GKAP1: variants seen among roughly 807,000 people sequenced by gnomAD.
GKAP1 encodes G kinase-anchoring protein 1.
A neutral mutation model predicts 56.7 loss-of-function variants in GKAP1; 31 were observed. That is an observed-to-expected ratio of 0.55 (90% confidence interval 0.41 to 0.74). The LOEUF (loss-of-function observed/expected upper bound fraction) is 0.74. Ranked by LOEUF, GKAP1 falls within the 30% of genes least tolerant of loss-of-function variation. The pLI, the probability that GKAP1 is intolerant of heterozygous loss-of-function variation, is 0.00. For synonymous variants in GKAP1, 151 were observed against 138.6 expected (o/e 1.09, Z -0.63); for missense variants, 364 against 402.3 (o/e 0.90, Z 0.82).
At chr9:83,778,561 G>T (rs1021425650) in intron 7 of GKAP1, among the ~76,000 whole-genome samples, 6 of 152,004 alleles carry the variant, frequency 3.9e-5, no homozygotes, top group African/African-American at 1.5e-4. Context: ...AGGGTGGGAG[G>T]AGGGAGAGGA....
chr9:83,785,417 T>C (rs898871870), intron 5 of GKAP1, among the ~76,000 whole-genome samples: 6 of 152,220 alleles, frequency 3.9e-5, no homozygotes, highest in African/African-American at 1.4e-4. Flanking sequence ...AAACTAATTA[T>C]TTCTGTATAG....
chr9:83,812,278 TAC>T (rs1564218567), intron 2 of GKAP1, among the ~76,000 whole-genome samples: 3 of 148,310 alleles, frequency 2.0e-5, no homozygotes. Context: ...CACATATATA[TAC>T]ACATATATAC....
intron 8 of GKAP1, among the ~76,000 whole-genome samples, chr9:83,757,040 A>G (rs1943489213): frequency 1.3e-5 from 2 of 152,248 alleles, no homozygotes; most frequent in Non-Finnish European, 2.9e-5. Context: ...AGGGCTCTGT[A>G]ATCTATTAAA....
chr9:83,804,321 C>A (rs1380585923), intron 3 of GKAP1, among the ~76,000 whole-genome samples: 8 of 142,904 alleles, frequency 5.6e-5, no homozygotes, highest in Non-Finnish European at 1.2e-4. Context: ...CCCCGCCCGG[C>A]CAGCCGCCCC....
intron 8 of GKAP1, among the ~76,000 whole-genome samples, chr9:83,766,977 G>A (rs191383717): frequency 1.6e-4 from 24 of 152,324 alleles, no homozygotes; most frequent in African/African-American, 5.5e-4. Flanking sequence ...GGGGACATTA[G>A]TGAAATTACT....
chr9:83,747,838 T>C (rs1269484781), intron 10 of GKAP1, among the ~76,000 whole-genome samples: 2 of 152,166 alleles, frequency 1.3e-5, no homozygotes, highest in Non-Finnish European at 2.9e-5. Context: ...GGTTTCACCA[T>C]GTTGGCCAGG....
At chr9:83,802,296 T>C (rs113255656) in intron 3 of GKAP1, among the ~76,000 whole-genome samples, 15,447 of 151,828 alleles carry the variant, frequency 0.1, 1,003 homozygotes, top group Non-Finnish European at 0.14. Context: ...CTGGCCAATA[T>C]TGTGAAACCC....
chr9:83,800,447 C>T (rs1457774659), intron 3 of GKAP1, among the ~76,000 whole-genome samples: 1 of 151,620 alleles, frequency 6.6e-6, no homozygotes, highest in Admixed American at 6.6e-5. Context: ...AATTCTCCTG[C>T]CTCAGCCTCT....
At chr9:83,782,827 C>T (rs1318075617) in intron 6 of GKAP1, among the ~76,000 whole-genome samples, 1 of 150,988 alleles carries the variant, frequency 6.6e-6, no homozygotes, top group Non-Finnish European at 1.5e-5. Context: ...CCACCACACG[C>T]CCACCTACTC....
chr9:83,774,664 C>T (rs1943821985), intron 7 of GKAP1, among the ~76,000 whole-genome samples: 1 of 144,672 alleles, frequency 6.9e-6, no homozygotes. Context: ...TGAAAAGCTT[C>T]GGCACAGCAA....
intron 10 of GKAP1, 79 bp from the exon 11 acceptor site, chr9:83,742,679 T>C (rs571656102): frequency 3.8e-6 from 3 of 798,944 alleles, no homozygotes; most frequent in African/African-American, 3.4e-5. Flanking sequence ...AACTAAGACA[T>C]AGCAGTGCAA....
intron 2 of GKAP1, among the ~76,000 whole-genome samples, chr9:83,816,478 G>A (rs1002520257): frequency 6.6e-6 from 1 of 152,188 alleles, no homozygotes; most frequent in South Asian, 2.1e-4. Flanking sequence ...CAACTTCTGG[G>A]TTTTGCTCTT....
chr9:83,757,480 A>C (rs1943496644), intron 8 of GKAP1, among the ~76,000 whole-genome samples: 1 of 152,190 alleles, frequency 6.6e-6, no homozygotes, highest in Non-Finnish European at 1.5e-5. Context: ...TTTTGGTAGC[A>C]ATCTACTAAA....
chr9:83,756,124 A>T (rs542295634), intron 8 of GKAP1, among the ~76,000 whole-genome samples: 70 of 151,688 alleles, frequency 4.6e-4, no homozygotes, highest in South Asian at 1.0e-3. Flanking sequence ...CATTAAAAAA[A>T]TTTTTTTTTC....
chr9:83,772,359 G>A (rs1003988968), intron 7 of GKAP1, among the ~76,000 whole-genome samples: 1 of 152,134 alleles, frequency 6.6e-6, no homozygotes, highest in African/African-American at 2.4e-5. Flanking sequence ...ATATAAGAGT[G>A]TTGTGCTGGG....
intron 8 of GKAP1, among the ~76,000 whole-genome samples, chr9:83,763,358 G>C (rs760321492): frequency 3.3e-5 from 5 of 152,106 alleles, no homozygotes; most frequent in Non-Finnish European, 7.4e-5. Flanking sequence ...GAATGAATAA[G>C]ACCTAGTATT....
At chr9:83,741,571 C>G (rs1943209407) in intron 12 of GKAP1, among the ~76,000 whole-genome samples, 1 of 152,034 alleles carries the variant, frequency 6.6e-6, no homozygotes, top group African/African-American at 2.4e-5. Flanking sequence ...CTTAAAGTAT[C>G]ACCTCACATA....
chr9:83,817,761 G>A lies in GKAP1; in HGVS notation c.-420C>T, dbSNP rs1386819106. 1 of 152,378 alleles carries A rather than the reference G, an allele frequency of 6.6e-6. No individual in the cohort carries two copies. The highest frequency in any genetic ancestry group is 1.5e-5 in the Non-Finnish European group (1 of 68,330). The allele number at this position is 152,378 out of a possible 1,614,324, so 9.4% of individuals were successfully genotyped here. A position where few individuals can be genotyped will look rare whatever the true frequency, so the allele number is the denominator to read the frequency against. On this transcript the variant is annotated 5_prime_UTR_variant, in exon 1 of 13. Coordinates refer to ENST00000376371, the MANE Select transcript of GKAP1 (RefSeq NM_025211.4). ...GGCTGCAGGCTGCGGTGAGGGGCGG[G>A]GAGAGCGCGGCTGAGAGCAGGCGGG...
rs556894440 is a variant in GKAP1, at chr9:83,742,850, T to A, written c.905-250A>T. Among the ~76,000 whole-genome samples, 28 of 152,322 alleles carry A rather than the reference T, an allele frequency of 1.8e-4. No individual in the cohort carries two copies. The South Asian group carries it at 5.4e-3, about 29-fold the overall frequency. ...GCATTTTTTTCTTAGAAATTTTACATTTTCTGTGGTGTTAAAATATTTATT... is the reference window on the plus strand; with the variant it reads ...GCATTTTTTTCTTAGAAATTTTACAATTTCTGTGGTGTTAAAATATTTATT... On this transcript the variant is annotated intron_variant, in intron 10 of 12. Coordinates refer to ENST00000376371, the MANE Select transcript of GKAP1 (RefSeq NM_025211.4).
Sources: gnomAD v4.1 joint callset for allele counts (sites outside exome capture counted in the v4.1 genomes callset) on GRCh38, gnomAD v4.1.1 for gene constraint, MANE v1.5 for transcripts, NCBI Gene and HGNC (gene_info 2026-07-23, HGNC 2026-07-21) for gene names.